EPHA10: variants seen among roughly 807,000 people sequenced by gnomAD.
EPHA10 encodes ephrin type-A receptor 10.
Under a neutral mutation model 109.7 loss-of-function variants are expected in EPHA10, and 120 were observed. That is an observed-to-expected ratio of 1.09 (90% confidence interval 0.94 to 1.27). The LOEUF is 1.27. EPHA10 is among the 50% of genes most tolerant of loss of function. The pLI, the probability that EPHA10 is intolerant of heterozygous loss-of-function variation, is 0.00. For synonymous variants in EPHA10, 640 were observed against 618.9 expected, an observed-to-expected ratio of 1.03 and a Z score of -0.51; for missense variants, 1,396 against 1,411.1, an observed-to-expected ratio of 0.99 and a Z score of 0.17.
chr1:37,752,343 G>T (rs930200577), intron 5 of EPHA10, among the ~76,000 whole-genome samples: 4 of 152,160 alleles, frequency 2.6e-5, no homozygotes, highest in African/African-American at 9.7e-5. Flanking sequence ...AGGAAAGGAG[G>T]TGGCCAGATG....
chr1:37,732,127 TCCC>T (rs1170387222), intron 6 of EPHA10, among the ~76,000 whole-genome samples: 12 of 152,182 alleles, frequency 7.9e-5, no homozygotes, highest in Admixed American at 6.5e-4. Flanking sequence ...GGGTAAAGAC[TCCC>T]CCAAGGCCCC....
At chr1:37,735,415 T>C (rs1378445262) in intron 5 of EPHA10, 25 bp from the exon 6 acceptor site, 2 of 1,573,250 alleles carry the variant, frequency 1.3e-6, no homozygotes. Flanking sequence ...CGTGGGATTC[T>C]CCACCTTGAC....
At chr1:37,715,394 T>C (rs1166057669), downstream of EPHA10, among the ~76,000 whole-genome samples, 1 of 152,080 alleles carries the variant, frequency 6.6e-6, no homozygotes, top group African/African-American at 2.4e-5. Flanking sequence ...CCTCCTGGCA[T>C]CTCCCACTGC....
downstream of EPHA10, among the ~76,000 whole-genome samples, chr1:37,714,493 T>A (rs886354525): frequency 2.0e-5 from 3 of 152,084 alleles, no homozygotes; most frequent in Non-Finnish European, 4.4e-5. Flanking sequence ...CAAACTCCAC[T>A]CCCCAATCCT....
chr1:37,723,205 C>T (rs1210052174), intron 9 of EPHA10, 39 bp from the exon 10 acceptor site: 1 of 1,606,616 alleles, frequency 6.2e-7, no homozygotes, highest in South Asian at 1.1e-5. Flanking sequence ...ATGGGGCCTC[C>T]ACCACTGGGG....
intron 7 of EPHA10, among the ~76,000 whole-genome samples, chr1:37,728,157 T>A (rs2148324512): frequency 6.6e-6 from 1 of 152,302 alleles, no homozygotes; most frequent in East Asian, 1.9e-4. Flanking sequence ...ATGCACACAC[T>A]GGGTCTGAAA....
In EPHA10 at chr1:37,751,659, G is replaced by A. The variant is rs375291802; in HGVS notation, c.1357+1217C>T. The stretch of plus-strand genomic sequence containing the variant: ...AAGCCTGAGGCCAGCAGATCATGAG[G>A]TTGAGAGTTGGAGACCATCCTGGCC... On this transcript the variant is annotated intron_variant, in intron 5 of 16. Coordinates refer to ENST00000373048, the MANE Select transcript of EPHA10 (RefSeq NM_001099439.2). 2.0e-4 allele frequency among the ~76,000 whole-genome samples: 31 copies of A among 151,556 alleles called. No homozygotes were observed. The South Asian group carries it at 5.2e-3, about 25-fold the overall frequency.
chr1:37,722,883 G>A (rs1645821727), intron 10 of EPHA10, 158 bp downstream of exon 10: 1 of 1,078,518 alleles, frequency 9.3e-7, no homozygotes, highest in Non-Finnish European at 1.4e-6. Flanking sequence ...CTTTCTGGGT[G>A]GAGGGTGGGC....
intron 5 of EPHA10, among the ~76,000 whole-genome samples, chr1:37,744,310 G>A (rs1409953315): frequency 6.6e-6 from 1 of 150,630 alleles, no homozygotes. Context: ...TCAGGAGTTC[G>A]AGACCAGCCT....
chr1:37,723,414 C>A (rs576308459), intron 8 of EPHA10, 42 bp from the exon 9 acceptor site: 2 of 1,606,710 alleles, frequency 1.2e-6, no homozygotes, highest in Non-Finnish European at 1.7e-6. Context: ...CAGGCCACCC[C>A]GGCCCTTCCC....
chr1:37,761,801 T>G lies in EPHA10; in HGVS notation c.454A>C (p.Ile152Leu), dbSNP rs755693718. 2.5e-6 allele frequency: 4 copies of G among 1,613,694 alleles called. No individual in the cohort carries two copies. The highest frequency in any genetic ancestry group is 8.5e-7 in the Non-Finnish European group (1 of 1,179,756). The change falls in exon 3 of 17, where the codon ATC (isoleucine) becomes CTC (leucine). Residue 152 changes from isoleucine (I) to leucine (L), a missense_variant. Transcript: ENST00000373048. Reference sequence around the variant, plus strand: ...CTCTCGTCCGCCGCGATCGTGTCGATTTTGCGGGGCCGGCTGCCGCCTAGG... The same window carrying G: ...CTCTCGTCCGCCGCGATCGTGTCGAGTTTGCGGGGCCGGCTGCCGCCTAGG... ...PRLGGSRPRK[I>L]DTIAADESFT...
In EPHA10 at chr1:37,754,230, A is replaced by G. The variant is rs770319282; in HGVS notation, c.991T>C (p.Ser331Pro). 23 of 1,305,860 alleles carry G rather than the reference A, an allele frequency of 1.8e-5. No homozygotes were observed. Among genetic ancestry groups the G allele is most frequent in the Non-Finnish European group, 2.3e-5 (23 of 1,020,982 alleles). 80.9% of individuals were successfully genotyped at this position (1,305,860 alleles called of 1,614,324 possible). The change falls in exon 4 of 17, where the codon TCG (serine) becomes CCG (proline). Residue 331 changes from serine (S) to proline (P), a missense_variant. Ser to Pro is a moderately conservative substitution (Grantham distance 74). Coordinates refer to ENST00000373048, the MANE Select transcript of EPHA10 (RefSeq NM_001099439.2). This position sits in a 1 kb window ranked among gnomAD's most constrained non-coding sequence, Gnocchi z 4.5. ...SYARSPTDPP[S>P]ASCTRPPSAP... ...GGGGACTCACGGGTGCAGGAAGCCG[A>G]GGGCGGGTCGGTGGGTGAGCGCGCA...
At chr1:37,752,760 G>A (rs901168031) in intron 5 of EPHA10, 116 bp downstream of exon 5, 39 of 617,290 alleles carry the variant, frequency 6.3e-5, no homozygotes, top group Admixed American at 5.6e-4. Context: ...GTGTACAGAG[G>A]ATGGCTTCTC....
At chr1:37,746,849 TGA>T (rs1226356660) in intron 5 of EPHA10, among the ~76,000 whole-genome samples, 1 of 152,150 alleles carries the variant, frequency 6.6e-6, no homozygotes, top group East Asian at 1.9e-4. Context: ...TTATGCTAAG[TGA>T]GAGAAGCCAG....
chr1:37,748,621 T>A (rs981444940), intron 5 of EPHA10, among the ~76,000 whole-genome samples: 1 of 151,806 alleles, frequency 6.6e-6, no homozygotes, highest in East Asian at 1.9e-4. Context: ...TATAAGCAAA[T>A]GAACTCAGCA....
chr1:37,737,134 T>G (rs1317404231), intron 5 of EPHA10, among the ~76,000 whole-genome samples: 1 of 152,028 alleles, frequency 6.6e-6, no homozygotes, highest in Non-Finnish European at 1.5e-5. Flanking sequence ...CCATGAATAG[T>G]CAACACAATC....
In EPHA10 at chr1:37,723,457, C is replaced by A; in HGVS notation, c.1773-85G>T. On this transcript the variant is annotated intron_variant, in intron 8 of 16. Coordinates refer to ENST00000373048, the MANE Select transcript of EPHA10 (RefSeq NM_001099439.2). ...AGCACTGAGGGCAGCACCTCTTTGT[C>A]CCTTCAAAAGACAAGGCCTGTGCCC... is the stretch of plus-strand genomic sequence containing the variant. 4 of 1,480,188 alleles carry A rather than the reference C, an allele frequency of 2.7e-6. No homozygotes were observed. In the South Asian group the frequency reaches 4.9e-5, roughly 18 times the overall value. The allele number at this position is 1,480,188 out of a possible 1,614,324, so 91.7% of individuals were successfully genotyped here.
At chr1:37,737,400 T>G (rs553283281) in intron 5 of EPHA10, among the ~76,000 whole-genome samples, 10 of 152,300 alleles carry the variant, frequency 6.6e-5, no homozygotes, top group African/African-American at 2.2e-4. Flanking sequence ...CAAAGCAATA[T>G]GGTACAGACA....
At position 37,752,940 on chromosome 1, in the gene EPHA10, G is replaced by A. The variant is rs1416491269; in HGVS notation, c.1293C>T (p.Val431=). ...TTCCCGCGGCGGCCGCCGGGCCCGA[G>A]ACGCCGTTGAGCGCGGCCACGCGCA... The part of the protein sequence containing the change: ...YTVRVAALNG[V]SGPAAAAGTT... The change falls in exon 5 of 17, where the codon GTC becomes GTT. Residue 431 remains valine, a synonymous_variant. Transcript: ENST00000373048. The A allele has an allele frequency of 5.4e-6, 7 of 1,305,936 alleles. No individual in the cohort carries two copies. The highest frequency in any genetic ancestry group is 6.8e-6 in the Non-Finnish European group (7 of 1,030,170). The allele number at this position is 1,305,936 out of a possible 1,614,324, so 80.9% of individuals were successfully genotyped here.
Sources: gnomAD v4.1 joint callset for allele counts (sites outside exome capture counted in the v4.1 genomes callset) on GRCh38, gnomAD v4.1.1 for gene constraint, Gnocchi (gnomAD v3.1) non-coding constraint, MANE v1.5 for transcripts, NCBI Gene and HGNC (gene_info 2026-07-23, HGNC 2026-07-21) for gene names.